SNX29: variants seen among roughly 807,000 people sequenced by gnomAD.
SNX29 encodes the protein sorting nexin 29.
SNX29 carries 78 observed loss-of-function variants against 102.1 expected under a neutral mutation model. The observed-to-expected ratio is 0.76, with a 90% CI of 0.64 to 0.92. SNX29 has a LOEUF of 0.92. Among genes scored for constraint, SNX29 ranks in the 40% least tolerant of loss-of-function variants. The pLI is 0.00. For missense variants in SNX29, 1,280 were observed against 1,061.7 expected, an observed-to-expected ratio of 1.21 and a Z score of -2.86; for synonymous variants, 580 against 414.5, an observed-to-expected ratio of 1.40 and a Z score of -4.85.
chr16:12,570,626 A>C lies in SNX29; in HGVS notation c.*1997A>C, dbSNP rs1430422239. The C allele has an allele frequency of 1.3e-5, 3 of 232,018 alleles. No individual in the cohort carries two copies. The highest frequency in any genetic ancestry group is 2.2e-5 in the African/African-American group (1 of 45,238). The allele number at this position is 232,018 out of a possible 1,614,324, so 14.4% of individuals were successfully genotyped here. A position where few individuals can be genotyped will look rare whatever the true frequency, so the allele number is the denominator to read the frequency against. ...GTCATCTCCCTGTTCTCTGTTGGAT[A>C]AAGGAACCTCCCCCATCTGTGACAT... On this transcript the variant is annotated 3_prime_UTR_variant, in exon 21 of 21. Transcript: ENST00000566228.
chr16:12,411,146 A>T (rs1237793681), intron 18 of SNX29, among the ~76,000 whole-genome samples: 1 of 152,066 alleles, frequency 6.6e-6, no homozygotes, highest in African/African-American at 2.4e-5. Flanking sequence ...GGAGAGAAGG[A>T]CCCGTTCTAA....
chr16:12,152,247 C>G (rs1213158503), intron 13 of SNX29, among the ~76,000 whole-genome samples: 2 of 152,062 alleles, frequency 1.3e-5, no homozygotes, highest in African/African-American at 2.4e-5. Context: ...CAATAATACA[C>G]ATGAAAAGAT....
At chr16:12,453,237 C>G (rs911565320) in intron 18 of SNX29, among the ~76,000 whole-genome samples, 6 of 152,232 alleles carry the variant, frequency 3.9e-5, no homozygotes, top group Non-Finnish European at 5.9e-5. Context: ...CGTGGCCAAT[C>G]AATCACAGAC....
chr16:12,324,142 T>C (rs966606648), intron 15 of SNX29, among the ~76,000 whole-genome samples: 8 of 152,040 alleles, frequency 5.3e-5, no homozygotes, highest in African/African-American at 1.9e-4. Context: ...CTGGGACCTG[T>C]TCTAGGCATT....
chr16:12,428,677 T>G (rs1597347737), intron 18 of SNX29, among the ~76,000 whole-genome samples: 2 of 152,316 alleles, frequency 1.3e-5, no homozygotes, highest in East Asian at 3.9e-4. Flanking sequence ...CTCCTTCTAG[T>G]TAGTCCCACC....
At chr16:12,547,125 A>G (rs2077656126) in intron 20 of SNX29, among the ~76,000 whole-genome samples, 1 of 150,134 alleles carries the variant, frequency 6.7e-6, no homozygotes, top group Non-Finnish European at 1.5e-5. Context: ...AAATGACATC[A>G]CAGTCATCAC....
chr16:12,417,313 A>G (rs1052764272), intron 18 of SNX29, among the ~76,000 whole-genome samples: 1 of 152,194 alleles, frequency 6.6e-6, no homozygotes, highest in African/African-American at 2.4e-5. Flanking sequence ...CTCTGGTTCC[A>G]GAAGTGAGCT....
intron 16 of SNX29, among the ~76,000 whole-genome samples, chr16:12,373,201 T>A (rs1452031893): frequency 6.6e-6 from 1 of 152,228 alleles, no homozygotes; most frequent in African/African-American, 2.4e-5. Flanking sequence ...GGTGCAGTCA[T>A]AGCTCGCTGC....
chr16:12,264,613 C>G (rs779784813), intron 14 of SNX29, among the ~76,000 whole-genome samples: 1 of 152,114 alleles, frequency 6.6e-6, no homozygotes, highest in Non-Finnish European at 1.5e-5. Flanking sequence ...GAAACCCTGT[C>G]TCTACTGAAA....
chr16:12,432,616 C>T (rs1052958463), intron 18 of SNX29, among the ~76,000 whole-genome samples: 3 of 152,206 alleles, frequency 2.0e-5, no homozygotes, highest in Non-Finnish European at 4.4e-5. Context: ...ACACGTGCCG[C>T]GCGTCACCTC....
At chr16:12,456,100 C>G (rs1567581752) in intron 18 of SNX29, among the ~76,000 whole-genome samples, 1 of 152,118 alleles carries the variant, frequency 6.6e-6, no homozygotes, top group Non-Finnish European at 1.5e-5. Flanking sequence ...TATTGAATAT[C>G]CATTATTTCC....
At chr16:12,148,594 AT>A (rs1326456970) in intron 13 of SNX29, among the ~76,000 whole-genome samples, 1 of 151,932 alleles carries the variant, frequency 6.6e-6, no homozygotes, top group East Asian at 1.9e-4. Flanking sequence ...TTTCCATAGC[AT>A]TTCTTGTTTT....
chr16:12,250,882 C>T (rs528188142), intron 14 of SNX29, among the ~76,000 whole-genome samples: 1 of 151,566 alleles, frequency 6.6e-6, no homozygotes, highest in African/African-American at 2.4e-5. Context: ...CGCCTGAAGT[C>T]CCCCTGGGCT....
intron 14 of SNX29, among the ~76,000 whole-genome samples, chr16:12,233,228 T>C (rs1210327283): frequency 6.6e-6 from 1 of 152,186 alleles, no homozygotes; most frequent in Non-Finnish European, 1.5e-5. Context: ...GAAAATGTGG[T>C]ACATATACAC....
intron 16 of SNX29, among the ~76,000 whole-genome samples, chr16:12,396,964 C>T (rs2083746294): frequency 6.6e-6 from 1 of 152,214 alleles, no homozygotes; most frequent in Non-Finnish European, 1.5e-5. Context: ...TAGGTCACTG[C>T]AGCCTTGAAC....
At chr16:12,320,080 C>T (rs1208523542) in intron 15 of SNX29, among the ~76,000 whole-genome samples, 5 of 152,152 alleles carry the variant, frequency 3.3e-5, no homozygotes, top group African/African-American at 1.2e-4. Flanking sequence ...TCCAGTGGGG[C>T]AGACACAGAT....
intron 11 of SNX29, among the ~76,000 whole-genome samples, chr16:12,109,313 C>G (rs1285910936): frequency 1.3e-5 from 2 of 151,668 alleles, no homozygotes; most frequent in African/African-American, 4.8e-5. Flanking sequence ...GAGCTCAGGT[C>G]TCTCTTCCTC....
intron 18 of SNX29, among the ~76,000 whole-genome samples, chr16:12,462,681 G>A (rs1169181450): frequency 1.3e-5 from 2 of 152,018 alleles, no homozygotes; most frequent in African/African-American, 4.8e-5. Context: ...AATAAACAAG[G>A]GTCCAGCTTC....
intron 13 of SNX29, among the ~76,000 whole-genome samples, chr16:12,150,862 AACAG>A (rs1247827987): frequency 1.3e-5 from 2 of 152,178 alleles, no homozygotes; most frequent in African/African-American, 2.4e-5. Flanking sequence ...ACGGTCATTT[AACAG>A]ACAGAAGCGC....
Sources: gnomAD v4.1 joint callset for allele counts (sites outside exome capture counted in the v4.1 genomes callset) on GRCh38, gnomAD v4.1.1 for gene constraint, MANE v1.5 for transcripts, NCBI Gene and HGNC (gene_info 2026-07-23, HGNC 2026-07-21) for gene names.